Variants in DIMT1 observed in about 807,000 individuals in gnomAD.
DIMT1 encodes the protein DIM1 rRNA methyltransferase and ribosome maturation factor, also known as dimethyladenosine transferase.
DIMT1 carries 36 observed loss-of-function variants against 43.2 expected under a neutral mutation model. The observed-to-expected ratio is 0.83, with a 90% confidence interval of 0.64 to 1.10. The LOEUF is 1.10. DIMT1 is among the 50% of genes least tolerant of loss of function. The pLI is 0.00. For synonymous variants in DIMT1, 126 were observed against 130.3 expected (o/e 0.97, Z 0.22); for missense variants, 341 against 385.3 (o/e 0.88, Z 0.96).
chr5:62,389,116 AGTTC>A, intron 11 of DIMT1, 64 bp from the exon 12 acceptor site: 13 of 1,378,536 alleles, frequency 9.4e-6, no homozygotes, highest in Non-Finnish European at 1.2e-5. Flanking sequence ...AACGGTATAT[AGTTC>A]TATACCATTA....
At position 62,398,641 on chromosome 5, in the gene DIMT1, C is replaced by T. The variant is rs1295988843; in HGVS notation, c.396+5G>A. ...TATGATGTTCCTGAAAATGTGAGGA[C>T]ATACCTGATAAGGCAAATTTGCCAC... is the stretch of plus-strand genomic sequence containing the variant. On this transcript the variant is annotated splice_donor_5th_base_variant and intron_variant, in intron 5 of 11. Transcript: ENST00000199320. The T allele has an allele frequency of 6.2e-7, 1 of 1,614,146 alleles. No homozygotes were observed. The highest frequency in any genetic ancestry group is 8.5e-7 in the Non-Finnish European group (1 of 1,179,994).
chr5:62,397,196 G>A (rs1742527953), intron 6 of DIMT1, among the ~76,000 whole-genome samples: 1 of 151,864 alleles, frequency 6.6e-6, no homozygotes, highest in African/African-American at 2.4e-5. Context: ...TGCCCGCCTC[G>A]GCCTCCCAGA....
Position 62,403,745 on chromosome 5 carries a change from C to T in DIMT1, c.28G>A (p.Gly10Ser), listed in dbSNP as rs1237121213. The T allele has an allele frequency of 6.2e-7, 1 of 1,610,212 alleles. No individual in the cohort carries two copies. The highest frequency in any genetic ancestry group is 8.5e-7 in the Non-Finnish European group (1 of 1,178,822). The change falls in exon 1 of 12, where the codon GGC (glycine) becomes AGC (serine). Residue 10 changes from glycine to serine, a missense_variant. Transcript: ENST00000199320. ...TGCTCCTGCCGCCCGCGGCGGCGGC[C>T]GATGGCCCCCGACTTGACCTTCGGC... MPKVKSGAI[G>S]RRRGRQEQRR... is the part of the protein sequence containing the mutation.
chr5:62,402,040 T>C lies in DIMT1; in HGVS notation c.236A>G (p.Lys79Arg). ...AACATTAAATCCCCTTTCTACCTTT[T>C]TTGCCTTTTCTAACAACTTTACAGT... ...NMTVKLLEKA[K>R]KVVACELDPR... Residue 79 changes from lysine to arginine, a missense_variant, in exon 3 of 12, where the codon AAA becomes AGA. Transcript: ENST00000199320. The C allele has an allele frequency of 6.2e-7, 1 of 1,613,534 alleles. No individual in the cohort carries two copies. The highest frequency in any genetic ancestry group is 8.5e-7 in the Non-Finnish European group (1 of 1,179,828).
rs375890348 is a variant in DIMT1, at chr5:62,397,810, G to A, written c.446+701C>T. Among the ~76,000 whole-genome samples the A allele has an allele frequency of 1.8e-3, 271 of 152,192 alleles. 4 individuals carry two copies. In the East Asian group the frequency reaches 0.045, roughly 25 times the overall value. On this transcript the variant is annotated intron_variant, in intron 6 of 11. Transcript: ENST00000199320. ...ACTACAGGCGCCCGCCACTACGCCC[G>A]GCTAGTTTTTTGTATTTTTAGTAGA...
In DIMT1 at chr5:62,392,841, GT is replaced by G. The variant is rs376095015; in HGVS notation, c.728+84del. 2.7e-5 allele frequency: 23 copies of G among 839,742 alleles called. No individual in the cohort carries two copies. The African/African-American group carries it at 3.8e-4, about 14-fold the overall frequency. 52.0% of individuals were successfully genotyped at this position (839,742 alleles called of 1,614,324 possible). On this transcript the variant is annotated intron_variant, in intron 9 of 11. Transcript: ENST00000199320. ...GGACCCATAATCTTTATGCTTTAGG[GT>G]AGCTGCTCAGGAAAAGGACCAAATT...
chr5:62,403,139 G>A lies in DIMT1; in HGVS notation c.153+134C>T. 5.2e-6 allele frequency: 4 copies of A among 773,640 alleles called. No homozygotes were observed. The South Asian group carries it at 6.8e-5, about 13-fold the overall frequency. 47.9% of individuals were successfully genotyped at this position (773,640 alleles called of 1,614,324 possible). On this transcript the variant is annotated intron_variant, in intron 2 of 11. Coordinates refer to ENST00000199320, the MANE Select transcript of DIMT1 (RefSeq NM_014473.4). ...TGCAGAAGACAGCCCAAGAATCCTA[G>A]ACAATTATTTGATTCATTCAACAAA...
rs1320167239 is a variant in DIMT1 at position 62,403,869 on chromosome 5, GC to G, written c.-98del. On this transcript the variant is annotated 5_prime_UTR_variant, in exon 1 of 12. Coordinates refer to ENST00000199320, the MANE Select transcript of DIMT1 (RefSeq NM_014473.4). ...CACGTGGGGATCGCCGCCACGCGCCGCCCGCACCACTCTGGCCCAAGCGCCG... is the reference window on the plus strand; with the variant it reads ...CACGTGGGGATCGCCGCCACGCGCCGCCGCACCACTCTGGCCCAAGCGCCG... 32 of 1,324,374 alleles carry G rather than the reference GC, an allele frequency of 2.4e-5. No homozygotes were observed. The highest frequency in any genetic ancestry group is 3.1e-5 in the Non-Finnish European group (30 of 959,610). The allele number at this position is 1,324,374 out of a possible 1,614,324, so 82.0% of individuals were successfully genotyped here. A position where few individuals can be genotyped will look rare whatever the true frequency, so the allele number is the denominator to read the frequency against.
rs1742809867 is a variant in DIMT1, at chr5:62,403,891, C to G, written c.-119G>C. 2 of 1,101,470 alleles carry G rather than the reference C, an allele frequency of 1.8e-6. No individual in the cohort carries two copies. The highest frequency in any genetic ancestry group is 1.3e-6 in the Non-Finnish European group (1 of 776,682). The allele number at this position is 1,101,470 out of a possible 1,614,324, so 68.2% of individuals were successfully genotyped here. A position where few individuals can be genotyped will look rare whatever the true frequency, so the allele number is the denominator to read the frequency against. On this transcript the variant is annotated 5_prime_UTR_variant, in exon 1 of 12. Transcript: ENST00000199320. ...GCCGCCCGCACCACTCTGGCCCAAG[C>G]GCCGGAGGGGCAAGGGTCCGCCCCC... is the stretch of plus-strand genomic sequence containing the variant.
Position 62,392,940 on chromosome 5 carries a change from G to C in DIMT1, c.714C>G (p.Leu238=), listed in dbSNP as rs755076198. The change falls in exon 9 of 12, where the codon CTC becomes CTG. Residue 238 remains leucine, a synonymous_variant. Transcript: ENST00000199320. ...GTAATACTTACTTAAATGCAGCAGA[G>C]AGTGTCTTGTTTTTCCTAACAAAGG... ...RITFVRKNKT[L]SAAFKSSAVQ... 12 of 1,607,966 alleles carry C rather than the reference G, an allele frequency of 7.5e-6. No individual in the cohort carries two copies. The highest frequency in any genetic ancestry group is 9.4e-6 in the Non-Finnish European group (11 of 1,174,710).
At position 62,392,794 on chromosome 5, in the gene DIMT1, GTTTAAAAGGTGAAGT is replaced by G. The variant is rs1041560024; in HGVS notation, c.728+117_728+131del. ...TAGAGCCTCCCAAGCTCTAAAGATAGTTTAAAAGGTGAAGTTTGTCTGGACCCATAATCTTTATGC... is the reference window on the plus strand; with the variant it reads ...TAGAGCCTCCCAAGCTCTAAAGATAGTTGTCTGGACCCATAATCTTTATGC... On this transcript the variant is annotated intron_variant, in intron 9 of 11. Coordinates refer to ENST00000199320, the MANE Select transcript of DIMT1 (RefSeq NM_014473.4). The G allele has an allele frequency of 1.1e-5, 6 of 525,134 alleles. No homozygotes were observed. In the African/African-American group the frequency reaches 1.2e-4, roughly 10 times the overall value. The allele number at this position is 525,134 out of a possible 1,614,324, so 32.5% of individuals were successfully genotyped here.
chr5:62,403,030 G>A lies in DIMT1; in HGVS notation c.153+243C>T, dbSNP rs187815720. On this transcript the variant is annotated intron_variant, in intron 2 of 11. Coordinates refer to ENST00000199320, the MANE Select transcript of DIMT1 (RefSeq NM_014473.4). ...ATAATTATCTTGAACAAATACAAAG[G>A]TCCAGCTATAAAGTAGATAATCCAC... 2.6e-4 allele frequency among the ~76,000 whole-genome samples: 39 copies of A among 152,196 alleles called. No homozygotes were observed. The East Asian group carries it at 6.8e-3, about 26-fold the overall frequency.
At chr5:62,393,925 T>G in intron 8 of DIMT1, 30 bp downstream of exon 8, 1 of 1,579,434 alleles carries the variant, frequency 6.3e-7, no homozygotes, top group Non-Finnish European at 8.6e-7. Context: ...TTTTTTTCCT[T>G]TATTGAATGA....
At chr5:62,395,386 G>A (rs954652262) in intron 6 of DIMT1, among the ~76,000 whole-genome samples, 11 of 152,154 alleles carry the variant, frequency 7.2e-5, no homozygotes, top group African/African-American at 2.7e-4. Context: ...TTAACGAACA[G>A]AAGAGTATCT....
intron 11 of DIMT1, 45 bp from the exon 12 acceptor site, chr5:62,389,097 G>A (rs1252410711): frequency 6.5e-7 from 1 of 1,540,680 alleles, no homozygotes; most frequent in Admixed American, 1.8e-5. Flanking sequence ...AAGCTAATTT[G>A]TAGCACATAA....
chr5:62,395,834 C>CTT (rs989349373), intron 6 of DIMT1, among the ~76,000 whole-genome samples: 6 of 151,868 alleles, frequency 4.0e-5, no homozygotes, highest in African/African-American at 1.4e-4. Context: ...GGTGAGACCC[C>CTT]TTCTCTAAAA....
At chr5:62,402,874 C>G (rs1156238995) in intron 2 of DIMT1, among the ~76,000 whole-genome samples, 2 of 152,122 alleles carry the variant, frequency 1.3e-5, no homozygotes, top group Non-Finnish European at 2.9e-5. Flanking sequence ...GTGGTACTAG[C>G]ATACACCAAA....
Position 62,393,967 on chromosome 5 carries a change from GGGTGGT to G in DIMT1, c.645_650del (p.Pro216_Pro217del). The G allele has an allele frequency of 6.2e-7, 1 of 1,607,590 alleles. No individual in the cohort carries two copies. The highest frequency in any genetic ancestry group is 8.5e-7 in the Non-Finnish European group (1 of 1,178,284). On this transcript the variant is annotated inframe_deletion, in exon 8 of 12. Transcript: ENST00000199320. ...ATTTTAACCTCACCTGAAAATTGAT[GGGTGGT>G]GGTGGATTCTTAGGTTCTATCCTTA...
In DIMT1 at chr5:62,388,450, C is replaced by T. The variant is rs920795307; in HGVS notation, c.*560G>A. 4 of 152,088 alleles carry T rather than the reference C, an allele frequency of 2.6e-5. No homozygotes were observed. The highest frequency in any genetic ancestry group is 2.1e-4 in the South Asian group (1 of 4,812). 9.4% of individuals were successfully genotyped at this position (152,088 alleles called of 1,614,324 possible). A position where few individuals can be genotyped will look rare whatever the true frequency, so the allele number is the denominator to read the frequency against. ...CTAAGTCTCTGACGCTATAGGATAGCGAAAGAGGTAGGCAATCGTAACAGA... is the reference window on the plus strand; with the variant it reads ...CTAAGTCTCTGACGCTATAGGATAGTGAAAGAGGTAGGCAATCGTAACAGA... On this transcript the variant is annotated 3_prime_UTR_variant, in exon 12 of 12. Coordinates refer to ENST00000199320, the MANE Select transcript of DIMT1 (RefSeq NM_014473.4).
Sources: allele counts gnomAD v4.1 joint callset (sites outside exome capture counted in the v4.1 genomes callset), GRCh38; gene constraint gnomAD v4.1.1; transcripts MANE v1.5; gene names NCBI Gene and HGNC (gene_info 2026-07-23, HGNC 2026-07-21).